CFAP299: variants seen among roughly 807,000 people sequenced by gnomAD.
CFAP299 encodes cilia and flagella associated protein 299.
CFAP299 carries 21 observed loss-of-function variants against 27.0 expected under a neutral mutation model. The observed-to-expected ratio is 0.78, with a 90% CI of 0.55 to 1.12. The LOEUF is 1.12. CFAP299 is among the 50% of genes most tolerant of loss of function. The probability of loss-of-function intolerance (pLI) is 0.00; values close to 1 mark genes in which losing one functional copy is unlikely to be tolerated. For missense variants in CFAP299, 310 were observed against 276.6 expected, an observed-to-expected ratio of 1.12 and a Z score of -0.86; for synonymous variants, 104 against 98.1, an observed-to-expected ratio of 1.06 and a Z score of -0.36.
chr4:80,914,941 C>A (rs1248162947), intron 4 of CFAP299, among the ~76,000 whole-genome samples: 3 of 151,934 alleles, frequency 2.0e-5, no homozygotes, highest in Non-Finnish European at 4.4e-5. Flanking sequence ...CGCAGATGTT[C>A]ATTGTTTTTC....
chr4:80,903,009 AATT>A (rs1735005992), intron 4 of CFAP299, among the ~76,000 whole-genome samples: 1 of 152,130 alleles, frequency 6.6e-6, no homozygotes, highest in African/African-American at 2.4e-5. Context: ...ATAACCAAGA[AATT>A]ATAATTTGCT....
At chr4:80,655,791 C>A (rs1005959836) in intron 3 of CFAP299, among the ~76,000 whole-genome samples, 4 of 152,026 alleles carry the variant, frequency 2.6e-5, no homozygotes, top group African/African-American at 9.7e-5. Context: ...AACATGGGGC[C>A]CCAGGAGGAA....
At chr4:80,388,623 C>A in intron 2 of CFAP299, 2 of 1,394,162 alleles carry the variant, frequency 1.4e-6, no homozygotes, top group South Asian at 2.3e-5. Flanking sequence ...CCTCTGGGAT[C>A]AGGGACTGCT....
intron 3 of CFAP299, among the ~76,000 whole-genome samples, chr4:80,749,628 C>A (rs912705733): frequency 1.3e-5 from 2 of 152,182 alleles, no homozygotes; most frequent in South Asian, 4.1e-4. Flanking sequence ...CACTGGCAAA[C>A]CACTAATGTA....
intron 3 of CFAP299, among the ~76,000 whole-genome samples, chr4:80,757,742 T>G (rs1465460372): frequency 6.6e-6 from 1 of 152,250 alleles, no homozygotes; most frequent in South Asian, 2.1e-4. Flanking sequence ...GGTTTTTTTT[T>G]CATTTACGCA....
chr4:80,750,502 CATA>C (rs1404650088), intron 3 of CFAP299, among the ~76,000 whole-genome samples: 1 of 152,066 alleles, frequency 6.6e-6, no homozygotes. Context: ...GGAATCTAGC[CATA>C]AAGTTTCAAC....
chr4:80,875,946 T>TCG (rs1261448893), intron 4 of CFAP299, among the ~76,000 whole-genome samples: 1 of 151,904 alleles, frequency 6.6e-6, no homozygotes, highest in Non-Finnish European at 1.5e-5. Context: ...TACGTGTGAG[T>TCG]TTATTTCAGC....
intron 3 of CFAP299, among the ~76,000 whole-genome samples, chr4:80,637,409 C>T (rs1394872276): frequency 1.3e-5 from 2 of 152,166 alleles, no homozygotes; most frequent in Non-Finnish European, 2.9e-5. Context: ...ATTTCCTTGA[C>T]AGATTATGCC....
intron 3 of CFAP299, among the ~76,000 whole-genome samples, chr4:80,813,697 G>T (rs904988978): frequency 2.0e-5 from 3 of 151,692 alleles, no homozygotes; most frequent in South Asian, 2.1e-4. Context: ...ATAAATTTTG[G>T]GTGAGGAAAT....
chr4:80,635,544 C>A (rs531737173), intron 3 of CFAP299, among the ~76,000 whole-genome samples: 45 of 152,210 alleles, frequency 3.0e-4, no homozygotes, highest in African/African-American at 1.1e-3. Flanking sequence ...TTTAAGATAA[C>A]TTCTCCAAAA....
At chr4:80,907,292 A>T (rs1735230497) in intron 4 of CFAP299, among the ~76,000 whole-genome samples, 1 of 152,156 alleles carries the variant, frequency 6.6e-6, no homozygotes, top group Non-Finnish European at 1.5e-5. Context: ...ACCATTCAAC[A>T]AGTCTCCAGG....
At chr4:80,445,116 C>T (rs554642085) in intron 2 of CFAP299, among the ~76,000 whole-genome samples, 19 of 152,132 alleles carry the variant, frequency 1.2e-4, no homozygotes, top group East Asian at 1.9e-4. Flanking sequence ...GACAGTGTGG[C>T]GATTCCTCAA....
chr4:80,884,176 T>A (rs2110179275), intron 4 of CFAP299, among the ~76,000 whole-genome samples: 1 of 152,296 alleles, frequency 6.6e-6, no homozygotes, highest in South Asian at 2.1e-4. Context: ...AACAGCAGAC[T>A]TGAACAACAC....
chr4:80,350,479 G>A (rs897073415), intron 1 of CFAP299, among the ~76,000 whole-genome samples: 1 of 152,106 alleles, frequency 6.6e-6, no homozygotes, highest in Admixed American at 6.6e-5. Context: ...AAAGACACAT[G>A]CACATATATG....
chr4:80,459,359 G>A (rs1303768428), intron 2 of CFAP299, among the ~76,000 whole-genome samples: 1 of 152,128 alleles, frequency 6.6e-6, no homozygotes, highest in East Asian at 1.9e-4. Context: ...CCCACCCCAA[G>A]GGAAGAATCA....
intron 5 of CFAP299, among the ~76,000 whole-genome samples, chr4:80,957,498 C>T (rs537574825): frequency 2.3e-4 from 35 of 152,024 alleles, no homozygotes; most frequent in African/African-American, 8.4e-4. Context: ...TAATGAGGGA[C>T]CAGTAAGGTA....
At chr4:80,858,672 T>A (rs528634378) in intron 3 of CFAP299, among the ~76,000 whole-genome samples, 52 of 152,318 alleles carry the variant, frequency 3.4e-4, no homozygotes, top group Admixed American at 1.4e-3. Flanking sequence ...ATGTACCCAG[T>A]AGTCATTCAG....
At chr4:80,702,257 T>C (rs998648021) in intron 3 of CFAP299, among the ~76,000 whole-genome samples, 1 of 151,922 alleles carries the variant, frequency 6.6e-6, no homozygotes, top group Non-Finnish European at 1.5e-5. Context: ...TAAATATTAA[T>C]TTTTATGAAT....
chr4:80,857,475 T>A (rs1731988587), intron 3 of CFAP299, among the ~76,000 whole-genome samples: 2 of 152,182 alleles, frequency 1.3e-5, no homozygotes, highest in Non-Finnish European at 2.9e-5. Context: ...GGCATCCCTG[T>A]CTTGTGCCAG....
Sources: gnomAD v4.1 joint callset for allele counts (sites outside exome capture counted in the v4.1 genomes callset) on GRCh38, gnomAD v4.1.1 for gene constraint, MANE v1.5 for transcripts, NCBI Gene and HGNC (gene_info 2026-07-23, HGNC 2026-07-21) for gene names.